Variants in CDC42BPA observed in about 807,000 individuals in gnomAD.
The protein encoded by CDC42BPA is serine/threonine-protein kinase MRCK alpha.
In CDC42BPA, 80 loss-of-function variants were observed where a neutral mutation model predicts 223.5. That is an observed-to-expected ratio of 0.36 (90% CI 0.30 to 0.43). The LOEUF (loss-of-function observed/expected upper bound fraction) is 0.43, where lower values mean the gene tolerates loss of function less well. Ranked by LOEUF, CDC42BPA falls within the 20% of genes least tolerant of loss-of-function variation. The pLI, the probability that CDC42BPA is intolerant of heterozygous loss-of-function variation, is 1.00. For missense variants in CDC42BPA, 1,743 were observed against 2,099.9 expected (o/e 0.83, Z 3.32); for synonymous variants, 694 against 718.6 (o/e 0.97, Z 0.55).
intron 5 of CDC42BPA, among the ~76,000 whole-genome samples, chr1:227,171,943 A>G (rs1186073601): frequency 6.6e-6 from 1 of 152,154 alleles, no homozygotes; most frequent in Non-Finnish European, 1.5e-5. Flanking sequence ...CATCACATTA[A>G]TATCTCCCAT....
chr1:227,184,887 G>A (rs1418912859), intron 5 of CDC42BPA, among the ~76,000 whole-genome samples: 1 of 152,104 alleles, frequency 6.6e-6, no homozygotes, highest in Non-Finnish European at 1.5e-5. Context: ...CAAACAATAT[G>A]CACCAGTATT....
At chr1:227,039,457 T>A (rs923129444) in intron 24 of CDC42BPA, among the ~76,000 whole-genome samples, 5 of 152,176 alleles carry the variant, frequency 3.3e-5, no homozygotes, top group Admixed American at 1.3e-4. Context: ...CTGAAACATT[T>A]AAAAAAATAT....
intron 11 of CDC42BPA, among the ~76,000 whole-genome samples, chr1:227,123,484 A>G (rs544900316): frequency 6.6e-6 from 1 of 152,264 alleles, no homozygotes; most frequent in East Asian, 1.9e-4. Flanking sequence ...TAAAACATGG[A>G]ATCTGTCTTG....
At chr1:227,226,104 G>A (rs921597734) in intron 2 of CDC42BPA, among the ~76,000 whole-genome samples, 1 of 152,176 alleles carries the variant, frequency 6.6e-6, no homozygotes, top group Non-Finnish European at 1.5e-5. Context: ...AAACTCAAAT[G>A]GATTAGGACT....
chr1:227,207,996 T>G (rs1296356600), intron 3 of CDC42BPA, among the ~76,000 whole-genome samples: 70 of 74,702 alleles, frequency 9.4e-4, no homozygotes, highest in East Asian at 1.9e-3. Context: ...TGTAAAAGTG[T>G]TCCTATTTCT....
chr1:227,035,250 T>C (rs1670005625), intron 25 of CDC42BPA, among the ~76,000 whole-genome samples: 4 of 152,176 alleles, frequency 2.6e-5, no homozygotes, highest in Admixed American at 2.0e-4. Context: ...CATCACAAGA[T>C]AGGAACAATA....
At chr1:227,004,950 G>T (rs750039221) in intron 35 of CDC42BPA, 44 bp downstream of exon 35, 63 of 1,304,364 alleles carry the variant, frequency 4.8e-5, no homozygotes, top group Non-Finnish European at 6.5e-5. Context: ...GGAGCTGGGG[G>T]TCACCCTGTC....
At chr1:227,096,294 A>C (rs1391314695) in intron 15 of CDC42BPA, among the ~76,000 whole-genome samples, 1 of 152,168 alleles carries the variant, frequency 6.6e-6, no homozygotes, top group African/African-American at 2.4e-5. Flanking sequence ...ACACAAATAA[A>C]TTGAGTAAAA....
intron 1 of CDC42BPA, among the ~76,000 whole-genome samples, chr1:227,293,524 A>G (rs1218278849): frequency 6.6e-6 from 1 of 151,784 alleles, no homozygotes; most frequent in Non-Finnish European, 1.5e-5. Context: ...AGTCATTAAA[A>G]AAAAAAAAAA....
intron 2 of CDC42BPA, among the ~76,000 whole-genome samples, chr1:227,231,867 G>A (rs1678042573): frequency 6.6e-6 from 1 of 152,138 alleles, no homozygotes; most frequent in South Asian, 2.1e-4. Context: ...TGAGTTCTTT[G>A]TAGATTCTGG....
At chr1:227,232,170 G>A (rs1678105045) in intron 2 of CDC42BPA, among the ~76,000 whole-genome samples, 1 of 152,142 alleles carries the variant, frequency 6.6e-6, no homozygotes, top group Admixed American at 6.5e-5. Flanking sequence ...TAAGATGTAA[G>A]GAAGGGATCC....
chr1:227,305,874 G>A (rs146435989), intron 1 of CDC42BPA, among the ~76,000 whole-genome samples: 8,202 of 152,268 alleles, frequency 0.054, 246 homozygotes, highest in Non-Finnish European at 0.073. Flanking sequence ...GCTGAGGCGG[G>A]AGAATCACTT....
chr1:227,195,260 C>A (rs1670476769), intron 4 of CDC42BPA, among the ~76,000 whole-genome samples: 1 of 152,142 alleles, frequency 6.6e-6, no homozygotes, highest in African/African-American at 2.4e-5. Context: ...GTGGCGCAAT[C>A]TTGGTTCACT....
chr1:227,045,916 CCCT>C (rs1173020234), intron 23 of CDC42BPA, among the ~76,000 whole-genome samples: 1 of 152,118 alleles, frequency 6.6e-6, no homozygotes, highest in South Asian at 2.1e-4. Context: ...AAGTGATCCT[CCCT>C]CCTCAACCCC....
At chr1:227,066,300 G>A (rs1037260113) in intron 21 of CDC42BPA, among the ~76,000 whole-genome samples, 1 of 151,918 alleles carries the variant, frequency 6.6e-6, no homozygotes, top group African/African-American at 2.4e-5. Context: ...TGAGGCAGGA[G>A]AATCGCTTGA....
At chr1:227,245,287 T>C (rs1329628974) in intron 2 of CDC42BPA, among the ~76,000 whole-genome samples, 1 of 103,256 alleles carries the variant, frequency 9.7e-6, no homozygotes, top group African/African-American at 4.4e-5. Flanking sequence ...CTTGCATCTT[T>C]TTTTTTTTTT....
At chr1:227,075,806 T>TCA in intron 17 of CDC42BPA, among the ~76,000 whole-genome samples, 1 of 152,300 alleles carries the variant, frequency 6.6e-6, no homozygotes, top group African/African-American at 2.4e-5. Flanking sequence ...CTAACAGGTC[T>TCA]CACCTAGTGC....
chr1:227,035,732 CTG>C (rs762836680), intron 24 of CDC42BPA, 125 bp from the exon 25 acceptor site: 13 of 624,862 alleles, frequency 2.1e-5, no homozygotes, highest in South Asian at 5.4e-5. Context: ...TTTTAAATAA[CTG>C]TTTTATCATT....
rs201820010 is a variant in CDC42BPA at position 227,139,697 on chromosome 1, G to A, written c.1269C>T (p.Thr423=). 5.0e-6 allele frequency: 8 copies of A among 1,603,872 alleles called. No individual in the cohort carries two copies. In the East Asian group the frequency reaches 1.6e-4, roughly 31 times the overall value. ...GAACATTAACATCAAGATCCAGTGA[G>A]GTGGGACCAGCCGTAACTCTTAAAC... is the stretch of plus-strand genomic sequence containing the variant. The part of the protein sequence containing the change: ...RSCLRVTAGP[T]SLDLDVNVQR... The change falls in exon 10 of 37, where the codon ACC becomes ACT. Residue 423 remains threonine (T), a synonymous_variant. Transcript: ENST00000366766.
Sources: allele counts gnomAD v4.1 joint callset (sites outside exome capture counted in the v4.1 genomes callset), GRCh38; gene constraint gnomAD v4.1.1; transcripts MANE v1.5; gene names NCBI Gene and HGNC (gene_info 2026-07-23, HGNC 2026-07-21).